Variants in CNTLN observed in about 807,000 individuals in gnomAD.
The protein encoded by CNTLN is centlein.
In CNTLN, 212 loss-of-function variants were observed where a neutral mutation model predicts 180.0. The ratio of observed to expected loss-of-function variants is 1.18; its 90% CI spans 1.05 to 1.32. The LOEUF is 1.32. Among genes scored for constraint, CNTLN ranks in the 40% most tolerant of loss-of-function variants. The pLI is 0.00. For synonymous variants in CNTLN, 722 were observed against 563.1 expected, an observed-to-expected ratio of 1.28 and a Z score of -3.99; for missense variants, 2,095 against 1,610.9, an observed-to-expected ratio of 1.30 and a Z score of -5.14.
the CNTLN span, among the ~76,000 whole-genome samples, chr9:17,518,036 CTTTTTTTTTTTT>C: frequency 5.8e-5 from 4 of 69,232 alleles, no homozygotes; most frequent in Admixed American, 2.7e-4. Context: ...TTTTCTTTTC[CTTTTTTTTTTTT>C]TTTTTTTTTT....
chr9:17,136,571 C>T (rs368196633), intron 1 of CNTLN, among the ~76,000 whole-genome samples: 7 of 152,162 alleles, frequency 4.6e-5, no homozygotes, highest in South Asian at 2.1e-4. Flanking sequence ...CCTCGTGGTC[C>T]GCCAGCCTTG....
At chr9:17,298,484 A>T (rs1272947456) in intron 7 of CNTLN, 132 bp downstream of exon 7, 2 of 1,339,056 alleles carry the variant, frequency 1.5e-6, no homozygotes, top group African/African-American at 3.0e-5. Context: ...CAAAATTTAG[A>T]AGTGAAGGAT....
At chr9:17,262,429 C>A (rs899912929) in intron 5 of CNTLN, among the ~76,000 whole-genome samples, 1 of 151,450 alleles carries the variant, frequency 6.6e-6, no homozygotes, top group East Asian at 1.9e-4. Context: ...TTTGCAGGGA[C>A]ATGGATGAAG....
chr9:17,512,941 C>G, the CNTLN span, among the ~76,000 whole-genome samples: 3 of 152,192 alleles, frequency 2.0e-5, no homozygotes, highest in East Asian at 1.9e-4. Context: ...CTCAGCGTCC[C>G]GAGTAGCTGG....
chr9:17,429,867 G>C (rs1428127502), intron 18 of CNTLN, among the ~76,000 whole-genome samples: 1 of 151,748 alleles, frequency 6.6e-6, no homozygotes, highest in African/African-American at 2.4e-5. Flanking sequence ...ATAATAATTT[G>C]AGTCCAAAAA....
rs181671623 is a variant in CNTLN at position 17,251,422 on chromosome 9, T to G, written c.849+14834T>G. 3.1e-3 allele frequency among the ~76,000 whole-genome samples: 473 copies of G among 151,978 alleles called. 5 individuals carry two copies. The highest frequency in any genetic ancestry group is 0.011 in the African/African-American group (450 of 41,532). On this transcript the variant is annotated intron_variant, in intron 5 of 25. Transcript: ENST00000380647. Reference sequence around the variant, plus strand: ...TGCTTGGTGGTGTCCCACTGATCACTTTTTTTCTTTTTTCTCTCTTTATGC... The same window carrying G: ...TGCTTGGTGGTGTCCCACTGATCACGTTTTTTCTTTTTTCTCTCTTTATGC...
intron 13 of CNTLN, among the ~76,000 whole-genome samples, chr9:17,382,799 A>G (rs1187395812): frequency 1.3e-5 from 2 of 152,162 alleles, no homozygotes; most frequent in African/African-American, 2.4e-5. Flanking sequence ...TTATTTAGTG[A>G]CTTCTGCTAA....
chr9:17,303,047 G>A (rs78244354), intron 7 of CNTLN, among the ~76,000 whole-genome samples: 1,738 of 152,176 alleles, frequency 0.011, 16 homozygotes, highest in Non-Finnish European at 0.018. Flanking sequence ...TTTAAGCCTC[G>A]CACCAACCTG....
chr9:17,460,388 C>T (rs754918372), intron 19 of CNTLN, among the ~76,000 whole-genome samples: 3 of 151,702 alleles, frequency 2.0e-5, no homozygotes, highest in East Asian at 1.9e-4. Context: ...CATCATACAT[C>T]AAAGGATGTA....
intron 13 of CNTLN, among the ~76,000 whole-genome samples, chr9:17,373,500 C>A (rs550227179): frequency 5.9e-5 from 9 of 152,088 alleles, no homozygotes; most frequent in African/African-American, 1.9e-4. Flanking sequence ...GGAAAGACAT[C>A]CCCTTTTAAT....
chr9:17,432,889 C>T (rs1045119732), intron 18 of CNTLN, among the ~76,000 whole-genome samples: 29 of 151,818 alleles, frequency 1.9e-4, no homozygotes, highest in African/African-American at 6.3e-4. Flanking sequence ...GGCATGGTGG[C>T]ATGTGCCTGT....
intron 2 of CNTLN, among the ~76,000 whole-genome samples, chr9:17,211,745 T>C (rs2131969985): frequency 6.6e-6 from 1 of 152,342 alleles, no homozygotes; most frequent in Non-Finnish European, 1.5e-5. Flanking sequence ...CAGTGGTTTG[T>C]AGTTCTCCTT....
chr9:17,275,450 C>G (rs1257288668), intron 6 of CNTLN, among the ~76,000 whole-genome samples: 2 of 152,104 alleles, frequency 1.3e-5, no homozygotes, highest in Non-Finnish European at 2.9e-5. Flanking sequence ...CTTACATAAA[C>G]TCTCCATGTA....
intron 25 of CNTLN, among the ~76,000 whole-genome samples, chr9:17,498,261 C>T (rs1457659288): frequency 1.3e-5 from 2 of 152,098 alleles, no homozygotes; most frequent in Non-Finnish European, 2.9e-5. Context: ...GTTTTGCAAT[C>T]ATTTAAGCTC....
At chr9:17,350,495 GAAT>G (rs1288453848) in intron 12 of CNTLN, among the ~76,000 whole-genome samples, 1 of 152,124 alleles carries the variant, frequency 6.6e-6, no homozygotes, top group Non-Finnish European at 1.5e-5. Flanking sequence ...AATAATAAGA[GAAT>G]ATTAGGGACA....
At chr9:17,365,381 A>G (rs1823730780) in intron 12 of CNTLN, among the ~76,000 whole-genome samples, 1 of 152,114 alleles carries the variant, frequency 6.6e-6, no homozygotes, top group Admixed American at 6.5e-5. Flanking sequence ...TGGAACTGTG[A>G]GTCAATTGAA....
chr9:17,146,054 G>A (rs1818437914), intron 2 of CNTLN, among the ~76,000 whole-genome samples: 1 of 152,158 alleles, frequency 6.6e-6, no homozygotes, highest in Non-Finnish European at 1.5e-5. Context: ...TAACTTGCTT[G>A]AAGCTTGTAG....
chr9:17,223,208 A>G (rs892579475), intron 2 of CNTLN, among the ~76,000 whole-genome samples: 4 of 152,052 alleles, frequency 2.6e-5, no homozygotes, highest in African/African-American at 9.7e-5. Flanking sequence ...TTTAAAGCTT[A>G]TGGATTGTTT....
In CNTLN at chr9:17,211,663, A is replaced by C. The variant is rs1285221965; in HGVS notation, c.450-14540A>C. ...CCTTGGGCAGTATGGCCATTTTCAC[A>C]ATATTGATTCTTCCTATCCATGAGC... On this transcript the variant is annotated intron_variant, in intron 2 of 25. Transcript: ENST00000380647. 3.3e-5 allele frequency among the ~76,000 whole-genome samples: 5 copies of C among 152,166 alleles called. No individual in the cohort carries two copies. The East Asian group carries it at 9.7e-4, about 29-fold the overall frequency.
Sources: gnomAD v4.1 joint callset for allele counts (sites outside exome capture counted in the v4.1 genomes callset) on GRCh38, gnomAD v4.1.1 for gene constraint, MANE v1.5 for transcripts, NCBI Gene and HGNC (gene_info 2026-07-23, HGNC 2026-07-21) for gene names.